The following TAFA1 variants were observed in gnomAD, a reference collection of about 807,000 sequenced individuals.
TAFA1 encodes chemokine-like protein TAFA-1.
Under a neutral mutation model 18.5 loss-of-function variants are expected in TAFA1, and 4 were observed. That is an observed-to-expected ratio of 0.22 (90% CI 0.11 to 0.49). TAFA1 has a LOEUF of 0.49. TAFA1 is among the 20% of genes least tolerant of loss of function. The pLI is 0.98. For missense variants in TAFA1, 147 were observed against 169.0 expected (o/e 0.87, Z 0.72); for synonymous variants, 56 against 55.2 (o/e 1.01, Z -0.06).
intron 2 of TAFA1, among the ~76,000 whole-genome samples, chr3:68,195,607 C>T (rs1488325491): frequency 6.6e-6 from 1 of 151,252 alleles, no homozygotes; most frequent in African/African-American, 2.4e-5. Context: ...GAATGCTGTT[C>T]AGTGTACTAC....
At chr3:68,397,175 G>A (rs2070397391) in intron 2 of TAFA1, among the ~76,000 whole-genome samples, 1 of 152,072 alleles carries the variant, frequency 6.6e-6, no homozygotes, top group South Asian at 2.1e-4. Context: ...TTTAAGTTCC[G>A]AGTACATGTA....
chr3:68,113,366 G>A (rs147726200), intron 2 of TAFA1, among the ~76,000 whole-genome samples: 1 of 152,224 alleles, frequency 6.6e-6, no homozygotes, highest in East Asian at 1.9e-4. Context: ...AATCCATATG[G>A]AAAAAGCAAA....
intron 2 of TAFA1, among the ~76,000 whole-genome samples, chr3:68,200,990 C>G (rs1232478457): frequency 2.0e-5 from 3 of 151,518 alleles, no homozygotes; most frequent in Non-Finnish European, 4.4e-5. Flanking sequence ...TATATACATT[C>G]AATATATGCA....
rs1396106729 is a variant in TAFA1 at position 68,318,098 on chromosome 3, G to T, written c.119-99182G>T. On this transcript the variant is annotated intron_variant, in intron 2 of 4. Transcript: ENST00000478136. ...TTAATAGAATTATAATGTTCTGTTA[G>T]TTTTATAGTACATGTGTTGCCAACC... is the stretch of plus-strand genomic sequence containing the variant. Among the ~76,000 whole-genome samples, 3 of 152,228 alleles carry T rather than the reference G, an allele frequency of 2.0e-5. No individual in the cohort carries two copies. The East Asian group carries it at 5.8e-4, about 29-fold the overall frequency.
At chr3:68,402,562 T>G (rs1319737442) in intron 2 of TAFA1, among the ~76,000 whole-genome samples, 1 of 152,202 alleles carries the variant, frequency 6.6e-6, no homozygotes, top group Admixed American at 6.5e-5. Context: ...ATCTACAATG[T>G]GCAACACAAA....
At chr3:68,194,309 A>G (rs1390983241) in intron 2 of TAFA1, among the ~76,000 whole-genome samples, 4 of 151,880 alleles carry the variant, frequency 2.6e-5, no homozygotes, top group East Asian at 2.0e-4. Context: ...CAGCATTTCT[A>G]TCTACCTTGG....
chr3:68,224,809 T>C (rs548509236), intron 2 of TAFA1, among the ~76,000 whole-genome samples: 112 of 151,764 alleles, frequency 7.4e-4, no homozygotes, highest in African/African-American at 2.4e-3. Flanking sequence ...AGACTTTTAG[T>C]TGGGGAGGGG....
At chr3:68,263,968 T>G (rs567880066) in intron 2 of TAFA1, among the ~76,000 whole-genome samples, 80 of 152,200 alleles carry the variant, frequency 5.3e-4, no homozygotes, top group Non-Finnish European at 9.4e-4. Context: ...GAATTTTATT[T>G]TTTTAAATAT....
intron 2 of TAFA1, among the ~76,000 whole-genome samples, chr3:68,125,200 A>T (rs760873617): frequency 5.3e-5 from 8 of 152,200 alleles, no homozygotes; most frequent in Non-Finnish European, 8.8e-5. Flanking sequence ...GAATTTCAGC[A>T]CAGCACTTCT....
Position 68,501,094 on chromosome 3 carries a change from G to A in TAFA1, c.260-37662G>A, listed in dbSNP as rs771278765. Among the ~76,000 whole-genome samples, 8 of 146,238 alleles carry A rather than the reference G, an allele frequency of 5.5e-5. No homozygotes were observed. The East Asian group carries it at 8.7e-4, about 16-fold the overall frequency. On this transcript the variant is annotated intron_variant, in intron 3 of 4. Transcript: ENST00000478136. ...CACTTGAATCCAGGAGGAAGAGGTC[G>A]TAGTGAGCTGAGATCATGACACTGC... is the stretch of plus-strand genomic sequence containing the variant.
At chr3:68,358,620 A>G (rs576528223) in intron 2 of TAFA1, among the ~76,000 whole-genome samples, 2 of 151,844 alleles carry the variant, frequency 1.3e-5, no homozygotes, top group Non-Finnish European at 2.9e-5. Flanking sequence ...TCTTTCCCCC[A>G]TACCGCAAAT....
intron 2 of TAFA1, among the ~76,000 whole-genome samples, chr3:68,223,353 A>G (rs753003542): frequency 6.6e-6 from 1 of 152,208 alleles, no homozygotes; most frequent in Non-Finnish European, 1.5e-5. Flanking sequence ...TTCAGATTCT[A>G]TGTTAAATAC....
intron 2 of TAFA1, among the ~76,000 whole-genome samples, chr3:68,123,277 C>T (rs561210528): frequency 2.0e-5 from 3 of 152,170 alleles, no homozygotes; most frequent in South Asian, 4.2e-4. Flanking sequence ...CTGTTGCCTT[C>T]GGAATAGCAT....
chr3:68,350,158 A>T (rs116527656), intron 2 of TAFA1, among the ~76,000 whole-genome samples: 4,281 of 152,234 alleles, frequency 0.028, 72 homozygotes, highest in Non-Finnish European at 0.04. Context: ...TAAGAAAGAA[A>T]TTGGTACTCA....
chr3:68,027,871 G>A (rs988284473), intron 2 of TAFA1, among the ~76,000 whole-genome samples: 5 of 152,164 alleles, frequency 3.3e-5, no homozygotes, highest in African/African-American at 9.7e-5. Context: ...ATGAATTGAG[G>A]ATTCCATGTT....
chr3:68,335,167 T>C (rs1430622308), intron 2 of TAFA1, among the ~76,000 whole-genome samples: 4 of 152,234 alleles, frequency 2.6e-5, no homozygotes, highest in Non-Finnish European at 5.9e-5. Context: ...GTATGATTTT[T>C]CTTTCTCTTC....
At chr3:68,461,485 G>A (rs981928841) in intron 3 of TAFA1, among the ~76,000 whole-genome samples, 13 of 150,502 alleles carry the variant, frequency 8.6e-5, no homozygotes, top group Admixed American at 2.0e-4. Flanking sequence ...GTTCTCAGCC[G>A]CTCTGGCTGT....
chr3:68,240,319 G>T (rs1482149032), intron 2 of TAFA1, among the ~76,000 whole-genome samples: 1 of 152,164 alleles, frequency 6.6e-6, no homozygotes, highest in Non-Finnish European at 1.5e-5. Flanking sequence ...TAGCAGGTCA[G>T]AACTCTTGTA....
chr3:68,018,067 T>C (rs1307042291), intron 2 of TAFA1, among the ~76,000 whole-genome samples: 6 of 152,220 alleles, frequency 3.9e-5, no homozygotes, highest in African/African-American at 1.4e-4. Flanking sequence ...CAGACCTTGA[T>C]GGCTAGAGGC....
Sources: gnomAD v4.1 joint callset for allele counts (sites outside exome capture counted in the v4.1 genomes callset) on GRCh38, gnomAD v4.1.1 for gene constraint, MANE v1.5 for transcripts, NCBI Gene and HGNC (gene_info 2026-07-23, HGNC 2026-07-21) for gene names.